Variants in ZNF385D observed in about 807,000 individuals in gnomAD.
The protein encoded by ZNF385D is zinc finger protein 659.
Under a neutral mutation model 35.8 loss-of-function variants are expected in ZNF385D, and 15 were observed. That is an observed-to-expected ratio of 0.42 (90% CI 0.28 to 0.64). The LOEUF is 0.64. Ranked by LOEUF, ZNF385D falls within the 30% of genes least tolerant of loss-of-function variation. ZNF385D has a pLI of 0.23. For missense variants in ZNF385D, 474 were observed against 494.6 expected, an observed-to-expected ratio of 0.96 and a Z score of 0.39; for synonymous variants, 212 against 186.8, an observed-to-expected ratio of 1.13 and a Z score of -1.10.
At chr3:22,010,161 T>C (rs1416936279) in intron 3 of ZNF385D, among the ~76,000 whole-genome samples, 3 of 151,952 alleles carry the variant, frequency 2.0e-5, no homozygotes, top group Non-Finnish European at 4.4e-5. Flanking sequence ...AATAAAAATA[T>C]GAAAAAAGTA....
At chr3:21,691,555 A>T (rs1199117253) in intron 1 of ZNF385D, among the ~76,000 whole-genome samples, 2 of 151,954 alleles carry the variant, frequency 1.3e-5, no homozygotes, top group African/African-American at 4.8e-5. Context: ...AGGTGTCTTG[A>T]TTTCCTTTCT....
At chr3:22,136,202 G>A (rs558338486) in intron 3 of ZNF385D, among the ~76,000 whole-genome samples, 16 of 152,230 alleles carry the variant, frequency 1.1e-4, no homozygotes, top group African/African-American at 3.6e-4. Flanking sequence ...TGGGAAACAT[G>A]GTGAAACCTC....
intron 2 of ZNF385D, among the ~76,000 whole-genome samples, chr3:22,212,937 T>G (rs1419373212): frequency 1.3e-5 from 2 of 152,040 alleles, no homozygotes; most frequent in Non-Finnish European, 2.9e-5. Flanking sequence ...ATCAATTGTA[T>G]TAATTTAGAA....
intron 2 of ZNF385D, among the ~76,000 whole-genome samples, chr3:21,614,749 C>T (rs375434650): frequency 7.4e-4 from 112 of 152,270 alleles, no homozygotes; most frequent in Middle Eastern, 3.4e-3. Flanking sequence ...CCACCTCGCC[C>T]AGCTAATTTT....
At chr3:22,171,303 T>A (rs1165745642) in intron 2 of ZNF385D, among the ~76,000 whole-genome samples, 1 of 152,198 alleles carries the variant, frequency 6.6e-6, no homozygotes. Flanking sequence ...TTGATTCACA[T>A]TTCCATCTTG....
At chr3:22,243,293 A>T (rs1699594278) in intron 2 of ZNF385D, among the ~76,000 whole-genome samples, 1 of 151,180 alleles carries the variant, frequency 6.6e-6, no homozygotes, top group Admixed American at 6.6e-5. Context: ...CTTGGCCATT[A>T]GGTAAATGGA....
chr3:21,988,176 A>G lies in ZNF385D; in HGVS notation c.325+180641T>C, dbSNP rs1048820318. On this transcript the variant is annotated intron_variant, in intron 3 of 5. Coordinates refer to the ZNF385D transcript ENST00000494108. ...AGCCTTCTTCTCTCAACTCGTCAAA[A>G]TCATTCTCCATCCAGCTTTGTTCCG... 1.9e-4 allele frequency among the ~76,000 whole-genome samples: 25 copies of G among 131,230 alleles called. 1 individual carries two copies. Among genetic ancestry groups the G allele is most frequent in the Admixed American group, 9.4e-4 (13 of 13,826 alleles). 86.1% of individuals were successfully genotyped at this position (131,230 alleles called of 152,430 possible). A position where few individuals can be genotyped will look rare whatever the true frequency, so the allele number is the denominator to read the frequency against.
At chr3:21,935,659 T>C (rs1371743760) in intron 3 of ZNF385D, among the ~76,000 whole-genome samples, 1 of 152,136 alleles carries the variant, frequency 6.6e-6, no homozygotes, top group Non-Finnish European at 1.5e-5. Context: ...AGTGACCTTT[T>C]TTTCTTAGCA....
chr3:22,049,187 T>C (rs893342980), intron 3 of ZNF385D, among the ~76,000 whole-genome samples: 1 of 151,800 alleles, frequency 6.6e-6, no homozygotes, highest in Admixed American at 6.6e-5. Flanking sequence ...ATCCAGCTAC[T>C]CAGAAGGCTG....
At position 21,564,606 on chromosome 3, in the gene ZNF385D, AT is replaced by A. The variant is rs759589848; in HGVS notation, c.243del (p.Cys82AlafsTer6). 1 of 1,567,888 alleles carries A rather than the reference AT, an allele frequency of 6.4e-7. No homozygotes were observed. Reference protein sequence around the residue: ...PLPHRRKQIISCNICQLRFNS... With the variant: ...PLPHRRKQIIXCNICQLRFNS... Reference sequence around the variant, plus strand: ...TTAAATCTCAACTGGCAAATGTTGCATGATATGATTTGCTTTCTTCGGTGGG... The same window carrying A: ...TTAAATCTCAACTGGCAAATGTTGCAGATATGATTTGCTTTCTTCGGTGGG... On this transcript the variant is annotated frameshift_variant, in exon 3 of 8. Coordinates refer to ENST00000281523, the MANE Select transcript of ZNF385D (RefSeq NM_024697.3). LOFTEE classifies it high-confidence loss of function.
intron 2 of ZNF385D, among the ~76,000 whole-genome samples, chr3:22,322,815 C>T (rs1356862285): frequency 1.3e-5 from 2 of 152,206 alleles, no homozygotes; most frequent in Non-Finnish European, 2.9e-5. Flanking sequence ...AATTACTAAG[C>T]TCAGAAATCA....
chr3:21,965,300 T>C (rs959275949), intron 3 of ZNF385D, among the ~76,000 whole-genome samples: 1 of 152,192 alleles, frequency 6.6e-6, no homozygotes, highest in Non-Finnish European at 1.5e-5. Context: ...ATGCCACATA[T>C]TGGTATGTGT....
intron 3 of ZNF385D, among the ~76,000 whole-genome samples, chr3:21,964,044 G>T (rs1358137578): frequency 6.6e-6 from 1 of 152,016 alleles, no homozygotes; most frequent in Non-Finnish European, 1.5e-5. Flanking sequence ...AAAGTATTCT[G>T]CACAATGCTT....
chr3:22,147,487 G>C (rs1704936798), intron 3 of ZNF385D, among the ~76,000 whole-genome samples: 1 of 152,114 alleles, frequency 6.6e-6, no homozygotes, highest in Non-Finnish European at 1.5e-5. Context: ...GTTGGTAAAA[G>C]GGAAGCCTGG....
chr3:21,950,083 T>G (rs1284459091), intron 3 of ZNF385D, among the ~76,000 whole-genome samples: 2 of 151,952 alleles, frequency 1.3e-5, no homozygotes, highest in Non-Finnish European at 2.9e-5. Flanking sequence ...GTAATGGGAT[T>G]GTTGAGTTAA....
At chr3:22,132,613 A>T (rs1352088262) in intron 3 of ZNF385D, among the ~76,000 whole-genome samples, 1 of 152,072 alleles carries the variant, frequency 6.6e-6, no homozygotes, top group Non-Finnish European at 1.5e-5. Context: ...CACTGAATTC[A>T]TTTTCTGAAA....
chr3:21,540,677 T>C (rs1408817213), intron 3 of ZNF385D, among the ~76,000 whole-genome samples: 1 of 152,220 alleles, frequency 6.6e-6, no homozygotes, highest in African/African-American at 2.4e-5. Context: ...TAATTTGCCA[T>C]ACGTCAATCT....
chr3:21,940,920 G>A (rs1165108231), intron 3 of ZNF385D, among the ~76,000 whole-genome samples: 1 of 152,102 alleles, frequency 6.6e-6, no homozygotes, highest in East Asian at 1.9e-4. Context: ...ACACCACAGA[G>A]GATCCATCCA....
intron 3 of ZNF385D, among the ~76,000 whole-genome samples, chr3:21,823,755 A>G (rs999145202): frequency 1.3e-5 from 2 of 152,190 alleles, no homozygotes; most frequent in Non-Finnish European, 2.9e-5. Context: ...ATGCAAATGG[A>G]GCACGTACTA....
Sources: gnomAD v4.1 joint callset for allele counts (sites outside exome capture counted in the v4.1 genomes callset) on GRCh38, gnomAD v4.1.1 for gene constraint, MANE v1.5 for transcripts, NCBI Gene and HGNC (gene_info 2026-07-23, HGNC 2026-07-21) for gene names.